TRPC1: variants seen among roughly 807,000 people sequenced by gnomAD.
TRPC1 encodes short transient receptor potential channel 1.
Under a neutral mutation model 88.2 loss-of-function variants are expected in TRPC1, and 42 were observed. The ratio of observed to expected loss-of-function variants is 0.48; its 90% CI spans 0.37 to 0.62. The LOEUF (loss-of-function observed/expected upper bound fraction) is 0.62, where lower values mean the gene tolerates loss of function less well. Ranked by LOEUF, TRPC1 falls within the 20% of genes least tolerant of loss-of-function variation. The probability of loss-of-function intolerance (pLI) is 0.00; values close to 1 mark genes in which losing one functional copy is unlikely to be tolerated. For synonymous variants in TRPC1, 288 were observed against 331.8 expected (o/e 0.87, Z 1.43); for missense variants, 699 against 957.3 (o/e 0.73, Z 3.56).
At chr3:142,788,713 TG>T (rs1936206901) in intron 7 of TRPC1, among the ~76,000 whole-genome samples, 3 of 152,110 alleles carry the variant, frequency 2.0e-5, no homozygotes. Context: ...CCAAGATGGC[TG>T]GGATTGCTGC....
At chr3:142,727,305 TA>T (rs75256775) in intron 1 of TRPC1, among the ~76,000 whole-genome samples, 11,960 of 152,206 alleles carry the variant, frequency 0.079, 741 homozygotes, top group African/African-American at 0.16. Context: ...TTGTTGTACA[TA>T]TGCAAAATGT....
At chr3:142,790,986 A>T (rs1405617909) in intron 7 of TRPC1, 33 bp from the exon 8 acceptor site, 11 of 1,506,792 alleles carry the variant, frequency 7.3e-6, no homozygotes, top group Non-Finnish European at 9.7e-6. Flanking sequence ...GAATTAAGAA[A>T]GTGTTATCTG....
At chr3:142,778,997 CAT>C (rs751870457) in intron 5 of TRPC1, among the ~76,000 whole-genome samples, 33 of 152,150 alleles carry the variant, frequency 2.2e-4, no homozygotes, top group African/African-American at 1.2e-4. Context: ...TTTATTAGCA[CAT>C]GAGGCTGTTA....
At chr3:142,799,507 T>C (rs1487589122) in intron 9 of TRPC1, among the ~76,000 whole-genome samples, 1 of 152,064 alleles carries the variant, frequency 6.6e-6, no homozygotes, top group Non-Finnish European at 1.5e-5. Flanking sequence ...ACCAATACCA[T>C]GCTATTAAAC....
chr3:142,758,256 T>C (rs777838519), intron 4 of TRPC1, among the ~76,000 whole-genome samples: 26 of 152,234 alleles, frequency 1.7e-4, no homozygotes, highest in Non-Finnish European at 3.1e-4. Flanking sequence ...CCAGCAACAG[T>C]GTGTGAGAGT....
chr3:142,726,722 T>G (rs1262323887), intron 1 of TRPC1, among the ~76,000 whole-genome samples: 1 of 152,312 alleles, frequency 6.6e-6, no homozygotes, highest in East Asian at 1.9e-4. Context: ...CTAATATTGT[T>G]AGACTTTTTA....
In TRPC1 at chr3:142,736,417, A is replaced by G. The variant is rs1357998520; in HGVS notation, c.211A>G (p.Ser71Gly). ...GGTTAAAAAGATTTTGGAGGAAAAC[A>G]GTTCAGGTGACTTGAACATAAATTG... ...YMVKKILEEN[S>G]SGDLNINCVD... Residue 71 changes from serine to glycine, a missense_variant, in exon 2 of 13, where the codon AGT (serine) becomes GGT (glycine). Ser to Gly is a moderately conservative substitution (Grantham distance 56, BLOSUM62 0). Around this residue, in one of 4 missense-constraint regions of TRPC1, gnomAD observed 157 missense variants for 127.0 expected, o/e 1.24. Transcript: ENST00000476941. 1 of 1,610,492 alleles carries G rather than the reference A, an allele frequency of 6.2e-7. No individual in the cohort carries two copies. The highest frequency in any genetic ancestry group is 1.7e-5 in the Admixed American group (1 of 59,006).
In TRPC1 at chr3:142,772,868, A is replaced by G. The variant is rs115665815; in HGVS notation, c.633-4764A>G. Among the ~76,000 whole-genome samples the G allele has an allele frequency of 5.9e-3, 894 of 152,202 alleles. 11 individuals carry two copies. The highest frequency in any genetic ancestry group is 0.021 in the African/African-American group (871 of 41,536). ...AGAAATGAAGATATTGGCAAGGTTG[A>G]CTTCTTATGAGGGTCGTGAAGGAAG... On this transcript the variant is annotated intron_variant, in intron 4 of 12. Coordinates refer to ENST00000476941, the MANE Select transcript of TRPC1 (RefSeq NM_001251845.2).
intron 6 of TRPC1, among the ~76,000 whole-genome samples, chr3:142,783,863 T>G (rs1055115683): frequency 5.3e-5 from 8 of 152,194 alleles, no homozygotes; most frequent in Admixed American, 2.0e-4. Context: ...TATAGAATTA[T>G]CAGGACCCTT....
In TRPC1 at chr3:142,782,914, G is replaced by A. The variant is rs575748376; in HGVS notation, c.961-1790G>A. On this transcript the variant is annotated intron_variant, in intron 6 of 12. Coordinates refer to ENST00000476941, the MANE Select transcript of TRPC1 (RefSeq NM_001251845.2). ...GTGGCTTTTTACATGGTAGTTCATG[G>A]CTCCAAGAGCAGGTGTTCCAGTGAG... Among the ~76,000 whole-genome samples, 4 of 152,298 alleles carry A rather than the reference G, an allele frequency of 2.6e-5. No individual in the cohort carries two copies. The South Asian group carries it at 8.3e-4, about 32-fold the overall frequency.
At chr3:142,729,717 T>C (rs753409456) in intron 1 of TRPC1, among the ~76,000 whole-genome samples, 1 of 152,292 alleles carries the variant, frequency 6.6e-6, no homozygotes, top group African/African-American at 2.4e-5. Context: ...ATCTTCTTCA[T>C]TGCTAACTCT....
At chr3:142,744,113 C>T (rs1020670978) in intron 3 of TRPC1, among the ~76,000 whole-genome samples, 2 of 151,930 alleles carry the variant, frequency 1.3e-5, no homozygotes, top group African/African-American at 4.8e-5. Flanking sequence ...AATTAATAAT[C>T]TTAATATTGG....
intron 9 of TRPC1, among the ~76,000 whole-genome samples, chr3:142,801,964 G>A (rs1046334907): frequency 2.6e-5 from 4 of 152,056 alleles, no homozygotes; most frequent in African/African-American, 9.7e-5. Flanking sequence ...ATCTAACACT[G>A]ATAGTGTTGG....
chr3:142,728,001 G>T lies in TRPC1; in HGVS notation c.172+3270G>T, dbSNP rs145828796. On this transcript the variant is annotated intron_variant, in intron 1 of 12. Transcript: ENST00000476941. ...TTCCTCTAAAAAAAAAAAACTTGTT[G>T]AGTAGATGGTAGCTTTTAGTATATA... 2.0e-3 allele frequency among the ~76,000 whole-genome samples: 310 copies of T among 151,912 alleles called. 3 individuals carry two copies. Among genetic ancestry groups the T allele is most frequent in the African/African-American group, 7.2e-3 (298 of 41,460 alleles).
intron 1 of TRPC1, among the ~76,000 whole-genome samples, chr3:142,734,384 AG>A (rs1364814680): frequency 6.6e-6 from 1 of 152,204 alleles, no homozygotes; most frequent in African/African-American, 2.4e-5. Context: ...AATGGGTTAA[AG>A]GAGGAATGTG....
chr3:142,751,218 A>G (rs1221762518), intron 4 of TRPC1, among the ~76,000 whole-genome samples: 1 of 152,198 alleles, frequency 6.6e-6, no homozygotes, highest in Non-Finnish European at 1.5e-5. Context: ...ACATTCACTT[A>G]CCACCCACTC....
At position 142,731,863 on chromosome 3, in the gene TRPC1, G is replaced by A. The variant is rs142368775; in HGVS notation, c.173-4516G>A. 7.2e-5 allele frequency among the ~76,000 whole-genome samples: 11 copies of A among 152,074 alleles called. 1 individual carries two copies. In the East Asian group the frequency reaches 1.9e-3, roughly 27 times the overall value. On this transcript the variant is annotated intron_variant, in intron 1 of 12. Coordinates refer to ENST00000476941, the MANE Select transcript of TRPC1 (RefSeq NM_001251845.2). Reference sequence around the variant, plus strand: ...ATTTCAAATGGTTAAAAAAAATTTCGTAACACATGAAAAGTCTATAAAATT... The same window carrying A: ...ATTTCAAATGGTTAAAAAAAATTTCATAACACATGAAAAGTCTATAAAATT...
At chr3:142,730,468 A>G (rs1431754548) in intron 1 of TRPC1, among the ~76,000 whole-genome samples, 6 of 152,188 alleles carry the variant, frequency 3.9e-5, no homozygotes, top group African/African-American at 1.2e-4. Context: ...TTAGCCTACC[A>G]TGTTTTTTAG....
At chr3:142,785,205 TA>T (rs1381948959) in intron 7 of TRPC1, 165 bp downstream of exon 7, 2 of 550,194 alleles carry the variant, frequency 3.6e-6, no homozygotes, top group Non-Finnish European at 6.2e-6. Flanking sequence ...AACATGTCTG[TA>T]AAGATAAATG....
Sources: allele counts gnomAD v4.1 joint callset (sites outside exome capture counted in the v4.1 genomes callset), GRCh38; gene constraint gnomAD v4.1.1; regional missense constraint gnomAD v4.1.1; transcripts MANE v1.5; gene names NCBI Gene and HGNC (gene_info 2026-07-23, HGNC 2026-07-21).